The following KIAA0825 variants were observed in gnomAD, a reference collection of about 807,000 sequenced individuals.
KIAA0825 encodes uncharacterized protein KIAA0825.
KIAA0825 carries 119 observed loss-of-function variants against 147.6 expected under a neutral mutation model. The ratio of observed to expected loss-of-function variants is 0.81; its 90% CI spans 0.69 to 0.94. The LOEUF is 0.94. Among genes scored for constraint, KIAA0825 ranks in the 40% least tolerant of loss-of-function variants. The pLI is 0.00. For missense variants in KIAA0825, 1,381 were observed against 1,472.7 expected, an observed-to-expected ratio of 0.94 and a Z score of 1.02; for synonymous variants, 470 against 518.1, an observed-to-expected ratio of 0.91 and a Z score of 1.26.
chr5:94,616,486 T>C (rs1220901663), intron 1 of KIAA0825, among the ~76,000 whole-genome samples: 1 of 152,086 alleles, frequency 6.6e-6, no homozygotes, highest in Non-Finnish European at 1.5e-5. Flanking sequence ...CATTACAAAG[T>C]TGAATTTTAT....
At chr5:94,392,739 C>G (rs1750068628) in intron 17 of KIAA0825, among the ~76,000 whole-genome samples, 1 of 152,148 alleles carries the variant, frequency 6.6e-6, no homozygotes, top group African/African-American at 2.4e-5. Context: ...GACCTGAAGA[C>G]TGAACCAAAT....
Position 94,357,082 on chromosome 5 carries a change from G to A in KIAA0825, c.3710+27286C>T, listed in dbSNP as rs143036623. 9.8e-3 allele frequency among the ~76,000 whole-genome samples: 1,494 copies of A among 152,166 alleles called. 25 individuals are homozygous for A. Among genetic ancestry groups the A allele is most frequent in the African/African-American group, 0.035 (1,438 of 41,504 alleles). The stretch of plus-strand genomic sequence containing the variant: ...ACAATGTTGAATCCTTAGAGAGCTC[G>A]AAAGAAAGAGAAAGACAAAGAACCA... On this transcript the variant is annotated intron_variant, in intron 20 of 20. Transcript: ENST00000682413.
At chr5:94,505,606 T>C (rs1272811748) in intron 5 of KIAA0825, among the ~76,000 whole-genome samples, 1 of 152,166 alleles carries the variant, frequency 6.6e-6, no homozygotes, top group Non-Finnish European at 1.5e-5. Context: ...TCAGATTCTT[T>C]TACAATTTGT....
In KIAA0825 at chr5:94,563,191, A is replaced by C. The variant is rs554785353; in HGVS notation, c.-2+19242T>G. 7.3e-3 allele frequency among the ~76,000 whole-genome samples: 798 copies of C among 108,918 alleles called. 13 individuals are homozygous for C. Among genetic ancestry groups the C allele is most frequent in the Admixed American group, 0.03 (359 of 12,152 alleles). 71.5% of individuals were successfully genotyped at this position (108,918 alleles called of 152,430 possible). On this transcript the variant is annotated intron_variant, in intron 2 of 20. Transcript: ENST00000682413. ...CCCATCTCCACTAAAAATACCAAAA[A>C]AAACAAAAAAAAAAAAATCAGCTGG...
At chr5:94,568,773 T>G (rs1420865728) in intron 2 of KIAA0825, 1 of 153,782 alleles carries the variant, frequency 6.5e-6, no homozygotes, top group Non-Finnish European at 1.4e-5. Context: ...AGCCAAAATT[T>G]ATCCCTACTT....
At chr5:94,486,110 C>CT in intron 5 of KIAA0825, among the ~76,000 whole-genome samples, 1 of 151,826 alleles carries the variant, frequency 6.6e-6, no homozygotes, top group East Asian at 1.9e-4. Context: ...ACTAAATGGT[C>CT]TTTTTGACCA....
chr5:94,305,994 A>C (rs567831503), intron 20 of KIAA0825, among the ~76,000 whole-genome samples: 2 of 152,008 alleles, frequency 1.3e-5, no homozygotes, highest in South Asian at 2.1e-4. Context: ...GAATATGTAC[A>C]TTATTATCTC....
chr5:94,203,643 T>C (rs1468607434), intron 20 of KIAA0825, among the ~76,000 whole-genome samples: 1 of 152,112 alleles, frequency 6.6e-6, no homozygotes, highest in Non-Finnish European at 1.5e-5. Flanking sequence ...AAAGATTAGA[T>C]CATAGCTAAG....
rs534521294 is a variant in KIAA0825 at position 94,336,296 on chromosome 5, C to T, written c.3710+48072G>A. Among the ~76,000 whole-genome samples the T allele has an allele frequency of 6.0e-5, 9 of 150,642 alleles. No homozygotes were observed. The East Asian group carries it at 1.8e-3, about 29-fold the overall frequency. ...TTTTTATACTTTAAGTTCTGGGATACATGTGCAGAATGTGCATGTTTTGTT... is the reference window on the plus strand; with the variant it reads ...TTTTTATACTTTAAGTTCTGGGATATATGTGCAGAATGTGCATGTTTTGTT... On this transcript the variant is annotated intron_variant, in intron 20 of 20. Transcript: ENST00000682413.
chr5:94,599,985 T>A (rs559588954), intron 1 of KIAA0825, among the ~76,000 whole-genome samples: 92 of 152,288 alleles, frequency 6.0e-4, no homozygotes, highest in African/African-American at 2.2e-3. Context: ...AATACAAAGA[T>A]AAATAACTCA....
chr5:94,219,163 A>C (rs967724390), intron 20 of KIAA0825, among the ~76,000 whole-genome samples: 3 of 152,134 alleles, frequency 2.0e-5, no homozygotes, highest in Admixed American at 6.6e-5. Flanking sequence ...TTATTATTAC[A>C]TTGTAATATA....
intron 1 of KIAA0825, among the ~76,000 whole-genome samples, chr5:94,610,764 CAAAAAA>C (rs756579848): frequency 4.8e-5 from 1 of 20,844 alleles, no homozygotes; most frequent in Non-Finnish European, 9.1e-5. Context: ...ACTCTATCTG[CAAAAAA>C]AAAAAAAAAA....
chr5:94,505,457 T>G (rs1765635774), intron 5 of KIAA0825, among the ~76,000 whole-genome samples: 1 of 152,030 alleles, frequency 6.6e-6, no homozygotes, highest in Non-Finnish European at 1.5e-5. Context: ...TTTTCAAGAT[T>G]AAATCAAAGT....
intron 20 of KIAA0825, among the ~76,000 whole-genome samples, chr5:94,266,643 G>A (rs1776748862): frequency 6.6e-6 from 1 of 152,100 alleles, no homozygotes; most frequent in Admixed American, 6.5e-5. Flanking sequence ...AAGCAGACAT[G>A]ATAATCCAGC....
intron 5 of KIAA0825, among the ~76,000 whole-genome samples, chr5:94,489,887 C>CAA (rs747717616): frequency 2.9e-4 from 17 of 58,088 alleles, no homozygotes; most frequent in African/African-American, 8.0e-4. Flanking sequence ...GACTCTGTCT[C>CAA]AAAAAAAAAA....
At chr5:94,559,138 T>C (rs1777098455) in intron 2 of KIAA0825, among the ~76,000 whole-genome samples, 1 of 151,728 alleles carries the variant, frequency 6.6e-6, no homozygotes, top group Non-Finnish European at 1.5e-5. Context: ...GAAGAAAGGA[T>C]ATTACTTTTT....
chr5:94,375,358 C>A (rs919022918), intron 20 of KIAA0825, among the ~76,000 whole-genome samples: 1 of 152,046 alleles, frequency 6.6e-6, no homozygotes, highest in Non-Finnish European at 1.5e-5. Flanking sequence ...AGCCCCTAAA[C>A]TTCCCGGGAA....
chr5:94,216,847 G>C (rs1773244148), intron 20 of KIAA0825, among the ~76,000 whole-genome samples: 1 of 152,142 alleles, frequency 6.6e-6, no homozygotes, highest in Non-Finnish European at 1.5e-5. Flanking sequence ...GAAAAGTACA[G>C]AAACAGATTA....
rs145876950 is a variant in KIAA0825 at position 94,377,635 on chromosome 5, ACTTATT to A, written c.3710+6727_3710+6732del. Reference sequence around the variant, plus strand: ...CAAAAGATCAATGTACAATCACTGTACTTATTCTTAGATAGCATCAAAAGTAAAGGT... The same window carrying A: ...CAAAAGATCAATGTACAATCACTGTACTTAGATAGCATCAAAAGTAAAGGT... On this transcript the variant is annotated intron_variant, in intron 20 of 20. Transcript: ENST00000682413. Among the ~76,000 whole-genome samples the A allele has an allele frequency of 9.8e-3, 1,490 of 152,342 alleles. 18 individuals carry two copies. Among genetic ancestry groups the A allele is most frequent in the South Asian group, 0.043 (208 of 4,830 alleles).
Sources: gnomAD v4.1 joint callset for allele counts (sites outside exome capture counted in the v4.1 genomes callset) on GRCh38, gnomAD v4.1.1 for gene constraint, MANE v1.5 for transcripts, NCBI Gene and HGNC (gene_info 2026-07-23, HGNC 2026-07-21) for gene names.